The following ZNF277 variants were observed in gnomAD, a reference collection of about 807,000 sequenced individuals.
The protein encoded by ZNF277 is nuclear receptor-interacting factor 4.
Under a neutral mutation model 60.7 loss-of-function variants are expected in ZNF277, and 55 were observed. The observed-to-expected ratio is 0.91, with a 90% CI of 0.73 to 1.13. ZNF277 has a LOEUF of 1.13. ZNF277 is among the 50% of genes most tolerant of loss of function. ZNF277 has a pLI of 0.00. For missense variants in ZNF277, 510 were observed against 523.0 expected (o/e 0.98, Z 0.24); for synonymous variants, 178 against 179.3 (o/e 0.99, Z 0.06).
chr7:112,246,373 A>G (rs1791086905), intron 1 of ZNF277, among the ~76,000 whole-genome samples: 1 of 152,164 alleles, frequency 6.6e-6, no homozygotes, highest in Non-Finnish European at 1.5e-5. Flanking sequence ...CAGCCTCGCG[A>G]CAGAGCAAGA....
intron 4 of ZNF277, among the ~76,000 whole-genome samples, chr7:112,310,454 TGAGAGAGAGA>T (rs377447375): frequency 1.7e-5 from 2 of 117,236 alleles, no homozygotes; most frequent in African/African-American, 3.9e-5. Flanking sequence ...AGGTTAGGTT[TGAGAGAGAGA>T]GAGAGAGAGA....
At chr7:112,335,025 A>G (rs182645923) in intron 7 of ZNF277, among the ~76,000 whole-genome samples, 23 of 152,272 alleles carry the variant, frequency 1.5e-4, no homozygotes, top group African/African-American at 5.5e-4. Context: ...GCTGATAATG[A>G]CAGCTTCAAA....
intron 1 of ZNF277, among the ~76,000 whole-genome samples, chr7:112,233,172 T>G (rs894120001): frequency 1.3e-5 from 2 of 152,180 alleles, no homozygotes; most frequent in Non-Finnish European, 2.9e-5. Context: ...ATCGGGATTG[T>G]GATTGTGATG....
chr7:112,253,301 A>T (rs1360158079), intron 1 of ZNF277, among the ~76,000 whole-genome samples: 1 of 152,208 alleles, frequency 6.6e-6, no homozygotes, highest in East Asian at 1.9e-4. Context: ...ATTTGGAGAA[A>T]CTTCCATGGA....
chr7:112,210,413 A>G (rs4730513), intron 1 of ZNF277, among the ~76,000 whole-genome samples: 140,326 of 151,620 alleles, frequency 0.93, 65,146 homozygotes, highest in Middle Eastern at 0.98. Context: ...TCTCCAAGAA[A>G]GTCCCCACAT....
chr7:112,296,875 T>TTTA (rs1792349644), intron 4 of ZNF277, among the ~76,000 whole-genome samples: 1 of 146,610 alleles, frequency 6.8e-6, no homozygotes, highest in African/African-American at 2.5e-5. Flanking sequence ...TTTATTTTAT[T>TTTA]TTCTTATTTT....
In ZNF277 at chr7:112,330,900, A is replaced by G. The variant is rs2117131707; in HGVS notation, c.801+684A>G. Among the ~76,000 whole-genome samples the G allele has an allele frequency of 2.0e-5, 3 of 152,226 alleles. No individual in the cohort carries two copies. The South Asian group carries it at 6.2e-4, about 32-fold the overall frequency. ...CACCTGGCCAGAGAGACTTCTATAT[A>G]TTCTATTCAAAAGAAACTGTTGAGT... On this transcript the variant is annotated intron_variant, in intron 7 of 11. Transcript: ENST00000361822.
intron 7 of ZNF277, 84 bp downstream of exon 7, chr7:112,330,300 G>A (rs775523222): frequency 7.3e-7 from 1 of 1,368,240 alleles, no homozygotes; most frequent in East Asian, 2.3e-5. Flanking sequence ...ATTTGAATAA[G>A]CAATTATTGC....
chr7:112,340,846 A>G (rs2117147782), intron 10 of ZNF277, 26 bp from the exon 11 acceptor site: 1 of 1,603,436 alleles, frequency 6.2e-7, no homozygotes, highest in Non-Finnish European at 8.5e-7. Context: ...CAGTTGTCTA[A>G]TGATTCTGTA....
At chr7:112,300,966 G>C in intron 4 of ZNF277, among the ~76,000 whole-genome samples, 1 of 151,540 alleles carries the variant, frequency 6.6e-6, no homozygotes, top group Non-Finnish European at 1.5e-5. Context: ...CACCTCTTCA[G>C]GCAATTGACA....
chr7:112,329,705 A>G (rs1793179872), intron 6 of ZNF277, among the ~76,000 whole-genome samples: 1 of 152,176 alleles, frequency 6.6e-6, no homozygotes, highest in Non-Finnish European at 1.5e-5. Flanking sequence ...ATCCCAAACC[A>G]TGTACTAATT....
At chr7:112,252,681 CTTCTGT>C (rs1416261963) in intron 1 of ZNF277, among the ~76,000 whole-genome samples, 1 of 152,122 alleles carries the variant, frequency 6.6e-6, no homozygotes, top group African/African-American at 2.4e-5. Flanking sequence ...TAGCTCCCTG[CTTCTGT>C]TTCCTTATCT....
chr7:112,288,971 A>AG (rs1792137842), intron 2 of ZNF277: 1 of 150,958 alleles, frequency 6.6e-6, no homozygotes, highest in East Asian at 1.9e-4. Flanking sequence ...AAAAAAAAAA[A>AG]AAAAAAAAGA....
At chr7:112,302,673 C>G in intron 4 of ZNF277, among the ~76,000 whole-genome samples, 1 of 152,018 alleles carries the variant, frequency 6.6e-6, no homozygotes. Context: ...TCCTAAGGTT[C>G]ACCACTTTGA....
intron 1 of ZNF277, among the ~76,000 whole-genome samples, chr7:112,270,884 T>C (rs980895990): frequency 2.0e-5 from 3 of 151,794 alleles, no homozygotes; most frequent in African/African-American, 7.3e-5. Context: ...TCTAAGCAGC[T>C]GGGAGTAGCA....
At chr7:112,231,952 G>GT (rs1000235958) in intron 1 of ZNF277, among the ~76,000 whole-genome samples, 7 of 150,796 alleles carry the variant, frequency 4.6e-5, no homozygotes, top group African/African-American at 1.7e-4. Context: ...GAGGAAAGAA[G>GT]TATCTATTTA....
intron 10 of ZNF277, among the ~76,000 whole-genome samples, chr7:112,340,189 A>G (rs1490103210): frequency 6.6e-6 from 1 of 152,224 alleles, no homozygotes; most frequent in Non-Finnish European, 1.5e-5. Flanking sequence ...TGGATTTTTA[A>G]GTCAAACTAG....
chr7:112,277,519 A>C (rs1331126533), intron 1 of ZNF277, among the ~76,000 whole-genome samples: 1 of 152,236 alleles, frequency 6.6e-6, no homozygotes, highest in African/African-American at 2.4e-5. Flanking sequence ...GGTTAAGAAC[A>C]TCTGCATAAA....
chr7:112,274,449 A>G (rs554615962), intron 1 of ZNF277, among the ~76,000 whole-genome samples: 53 of 152,264 alleles, frequency 3.5e-4, no homozygotes, highest in African/African-American at 1.1e-3. Flanking sequence ...GAGCCACAGC[A>G]CCCTGCCTTT....
Sources: gnomAD v4.1 joint callset for allele counts (sites outside exome capture counted in the v4.1 genomes callset) on GRCh38, gnomAD v4.1.1 for gene constraint, MANE v1.5 for transcripts, NCBI Gene and HGNC (gene_info 2026-07-23, HGNC 2026-07-21) for gene names.